Variants in NEK5 observed in about 807,000 individuals in gnomAD.
NEK5 encodes the protein serine/threonine-protein kinase Nek5.
A neutral mutation model predicts 109.2 loss-of-function variants in NEK5; 88 were observed. The observed-to-expected ratio is 0.81, with a 90% CI of 0.68 to 0.96. NEK5 has a LOEUF of 0.96. NEK5 is among the 40% of genes least tolerant of loss of function. NEK5 has a pLI of 0.00. For synonymous variants in NEK5, 283 were observed against 299.9 expected (o/e 0.94, Z 0.58); for missense variants, 834 against 920.7 (o/e 0.91, Z 1.22).
chr13:52,082,034 G>T (rs972562647), intron 17 of NEK5, among the ~76,000 whole-genome samples: 1 of 152,140 alleles, frequency 6.6e-6, no homozygotes, highest in African/African-American at 2.4e-5. Context: ...ATAATAATTC[G>T]CTCAGGCGGG....
At chr13:52,123,920 G>C (rs949033078) in intron 3 of NEK5, among the ~76,000 whole-genome samples, 4 of 151,960 alleles carry the variant, frequency 2.6e-5, no homozygotes, top group Non-Finnish European at 5.9e-5. Flanking sequence ...GCAGAGGCTG[G>C]AGTGGGGAAA....
intron 20 of NEK5, among the ~76,000 whole-genome samples, 188 bp downstream of exon 20, chr13:52,071,756 C>T (rs976965968): frequency 6.6e-6 from 1 of 152,104 alleles, no homozygotes; most frequent in African/African-American, 2.4e-5. Flanking sequence ...GAGAGGAGGG[C>T]TGGATCTCAG....
chr13:52,114,693 C>T (rs942594844), intron 4 of NEK5, among the ~76,000 whole-genome samples: 5 of 152,108 alleles, frequency 3.3e-5, no homozygotes, highest in African/African-American at 1.2e-4. Context: ...GAGGAGAAAG[C>T]GCATGCAAGT....
At chr13:52,122,113 A>G (rs1955983539) in intron 3 of NEK5, among the ~76,000 whole-genome samples, 1 of 152,196 alleles carries the variant, frequency 6.6e-6, no homozygotes. Context: ...CTATGCAGTC[A>G]TTAAAAATAA....
At chr13:52,087,716 C>T (rs1470207965) in intron 14 of NEK5, among the ~76,000 whole-genome samples, 2 of 151,868 alleles carry the variant, frequency 1.3e-5, no homozygotes, top group Non-Finnish European at 2.9e-5. Flanking sequence ...GCCTCCAACT[C>T]CTAGGCTCAA....
At chr13:52,086,223 T>C in intron 16 of NEK5, 54 bp downstream of exon 16, 1 of 1,104,882 alleles carries the variant, frequency 9.1e-7, no homozygotes, top group African/African-American at 1.5e-5. Context: ...ACCAGCTCAA[T>C]TTAGTTAGCT....
At chr13:52,091,089 A>T (rs1264075472) in intron 13 of NEK5, among the ~76,000 whole-genome samples, 1 of 152,128 alleles carries the variant, frequency 6.6e-6, no homozygotes, top group Non-Finnish European at 1.5e-5. Flanking sequence ...GCAGACAGAA[A>T]GCTGGGGATG....
intron 22 of NEK5, among the ~76,000 whole-genome samples, chr13:52,059,813 G>A (rs1954595300): frequency 6.6e-6 from 1 of 151,874 alleles, no homozygotes; most frequent in South Asian, 2.1e-4. Context: ...GTGGGGTGGG[G>A]GGACGGGGGA....
chr13:52,120,097 G>A (rs1264656724), intron 3 of NEK5, among the ~76,000 whole-genome samples: 3 of 151,990 alleles, frequency 2.0e-5, no homozygotes, highest in Admixed American at 1.3e-4. Flanking sequence ...TGATGTCCAC[G>A]GGGCCTCCAC....
chr13:52,055,664 A>G (rs1347452751), intron 22 of NEK5, among the ~76,000 whole-genome samples: 1 of 151,864 alleles, frequency 6.6e-6, no homozygotes, highest in African/African-American at 2.4e-5. Flanking sequence ...AAAGAAAAGA[A>G]TTTTCAACCC....
chr13:52,086,147 G>T (rs1955136698), intron 16 of NEK5, 130 bp downstream of exon 16: 2 of 693,580 alleles, frequency 2.9e-6, no homozygotes, highest in Non-Finnish European at 5.1e-6. Context: ...TATTAAAAAA[G>T]AAGTCTACAT....
chr13:52,106,043 A>C (rs1955647201), intron 8 of NEK5, among the ~76,000 whole-genome samples: 1 of 152,032 alleles, frequency 6.6e-6, no homozygotes, highest in African/African-American at 2.4e-5. Context: ...AGTACAAGCA[A>C]ACAAAACAAT....
intron 22 of NEK5, among the ~76,000 whole-genome samples, chr13:52,051,982 T>C (rs1251215639): frequency 6.6e-6 from 1 of 152,132 alleles, no homozygotes. Context: ...TATGTAAAAA[T>C]GCAGATTCAC....
intron 23 of NEK5, among the ~76,000 whole-genome samples, 197 bp from the exon 24 acceptor site, chr13:52,037,415 C>G (rs1485644011): frequency 6.6e-6 from 1 of 151,570 alleles, no homozygotes; most frequent in East Asian, 1.9e-4. Flanking sequence ...TGTTAAACAC[C>G]CTTTATTATA....
chr13:52,113,106 G>A (rs866760475), intron 4 of NEK5, among the ~76,000 whole-genome samples: 1 of 152,100 alleles, frequency 6.6e-6, no homozygotes, highest in African/African-American at 2.4e-5. Flanking sequence ...GGAGGACTCA[G>A]TAAAAGTGAG....
chr13:52,063,397 T>C (rs568636471), intron 21 of NEK5, among the ~76,000 whole-genome samples: 82 of 152,236 alleles, frequency 5.4e-4, no homozygotes, highest in Non-Finnish European at 1.1e-3. Flanking sequence ...CAGGCTGGAG[T>C]GCAGTGGCGT....
intron 4 of NEK5, among the ~76,000 whole-genome samples, chr13:52,118,363 C>T (rs186820335): frequency 6.6e-6 from 1 of 152,280 alleles, no homozygotes; most frequent in East Asian, 1.9e-4. Context: ...ACCTGACATA[C>T]TGTAGATTTG....
chr13:52,101,804 TCCTGCTTATAC>T, intron 11 of NEK5, 118 bp downstream of exon 11: 1 of 750,458 alleles, frequency 1.3e-6, no homozygotes, highest in Admixed American at 2.3e-5. Flanking sequence ...ATGATTTTTC[TCCTGCTTATAC>T]TGCTTGTATT....
intron 11 of NEK5, 104 bp downstream of exon 11, chr13:52,101,829 T>A: frequency 1.0e-6 from 1 of 963,402 alleles, no homozygotes; most frequent in East Asian, 2.4e-5. Flanking sequence ...TTGTATTTTT[T>A]AAAATGTCCA....
Sources: allele counts gnomAD v4.1 joint callset (sites outside exome capture counted in the v4.1 genomes callset), GRCh38; gene constraint gnomAD v4.1.1; transcripts MANE v1.5; gene names NCBI Gene and HGNC (gene_info 2026-07-23, HGNC 2026-07-21).